Variants in IGF2 observed in about 807,000 individuals in gnomAD.
IGF2 encodes the protein insulin like growth factor 2.
In IGF2, 2 loss-of-function variants were observed where a neutral mutation model predicts 12.0. The ratio of observed to expected loss-of-function variants is 0.17; its 90% CI spans 0.07 to 0.52. IGF2 has a LOEUF of 0.52. Ranked by LOEUF, IGF2 falls within the 20% of genes least tolerant of loss-of-function variation. The probability of loss-of-function intolerance (pLI) is 0.95; values close to 1 mark genes in which losing one functional copy is unlikely to be tolerated. For synonymous variants in IGF2, 105 were observed against 110.1 expected, an observed-to-expected ratio of 0.95 and a Z score of 0.29; for missense variants, 211 against 268.0, an observed-to-expected ratio of 0.79 and a Z score of 1.48.
Position 2,132,833 on chromosome 11 carries a change from T to C in IGF2, c.*154A>G. 1 of 602,392 alleles carries C rather than the reference T, an allele frequency of 1.7e-6. No homozygotes were observed. Among genetic ancestry groups the C allele is most frequent in the Non-Finnish European group, 2.9e-6 (1 of 342,156 alleles). The allele number at this position is 602,392 out of a possible 1,614,324, so 37.3% of individuals were successfully genotyped here. On this transcript the variant is annotated 3_prime_UTR_variant, in exon 4 of 4. Transcript: ENST00000416167. ...GGAGGGGGCCGAGGAGAGTAGCCTG[T>C]TTCGGGGAGGCGGGGCACGGGGACT... is the stretch of plus-strand genomic sequence containing the variant.
upstream of IGF2, chr11:2,140,365 T>G: frequency 1.4e-6 from 2 of 1,417,794 alleles, no homozygotes; most frequent in African/African-American, 2.9e-5. Context: ...ACGCACAAAA[T>G]CCCGCACCCC....
At chr11:2,144,922 G>A (rs910743054), upstream of IGF2, among the ~76,000 whole-genome samples, 3 of 152,188 alleles carry the variant, frequency 2.0e-5, no homozygotes, top group African/African-American at 4.8e-5. Flanking sequence ...TGACACTGGG[G>A]AGGCAGAAGT....
Position 2,131,439 on chromosome 11 carries a change from CAT to C in IGF2, c.*1546_*1547del, listed in dbSNP as rs1858539625. The C allele has an allele frequency of 4.4e-6, 1 of 226,748 alleles. No individual in the cohort carries two copies. Among genetic ancestry groups the C allele is most frequent in the South Asian group, 1.9e-4 (1 of 5,402 alleles). The allele number at this position is 226,748 out of a possible 1,614,324, so 14.0% of individuals were successfully genotyped here. Reference sequence around the variant, plus strand: ...TTGTGGGGGTGTGCGTGTGTGTGCGCATGTGTGTGTGCAGGTGGGTGCTTGCG... The same window carrying C: ...TTGTGGGGGTGTGCGTGTGTGTGCGCGTGTGTGTGCAGGTGGGTGCTTGCG... On this transcript the variant is annotated 3_prime_UTR_variant, in exon 4 of 4. Transcript: ENST00000416167.
the IGF2 span, chr11:2,146,425 A>G: frequency 1.9e-6 from 1 of 533,404 alleles, no homozygotes; most frequent in South Asian, 1.4e-5. Flanking sequence ...CGCTGGCGTC[A>G]GCCCGGCCGG....
chr11:2,136,322 G>A (rs1023425618), intron 1 of IGF2, among the ~76,000 whole-genome samples: 2 of 152,218 alleles, frequency 1.3e-5, no homozygotes, highest in Admixed American at 1.3e-4. Flanking sequence ...GTAAGGCCAG[G>A]GGCCTCCAGA....
upstream of IGF2, chr11:2,146,171 G>C (rs543070492): frequency 4.0e-6 from 2 of 505,170 alleles, no homozygotes; most frequent in Admixed American, 4.0e-5. Flanking sequence ...CCCCAGCCTC[G>C]GCCTGTGGCT....
At chr11:2,140,739 C>T (rs1215608967), upstream of IGF2, 2 of 353,504 alleles carry the variant, frequency 5.7e-6, no homozygotes, top group Non-Finnish European at 5.3e-6. Context: ...CGCCCCACGC[C>T]GGCCTCCCCG....
Position 2,133,323 on chromosome 11 carries a change from G to T in IGF2, c.307-100C>A. ...CAGGCCACCCCTGTGACTGATCAGT[G>T]ACTTGAGCTAATGTCCACGGGCAGA... On this transcript the variant is annotated intron_variant, in intron 3 of 3. Coordinates refer to ENST00000416167, the MANE Select transcript of IGF2 (RefSeq NM_000612.6). The surrounding 1 kb of genome is among the most constrained non-coding windows in gnomAD (Gnocchi z 8.9). The T allele has an allele frequency of 9.7e-7, 1 of 1,035,416 alleles. No individual in the cohort carries two copies. Among genetic ancestry groups the T allele is most frequent in the South Asian group, 1.7e-5 (1 of 60,366 alleles). 64.1% of individuals were successfully genotyped at this position (1,035,416 alleles called of 1,614,324 possible). A position where few individuals can be genotyped will look rare whatever the true frequency, so the allele number is the denominator to read the frequency against.
chr11:2,149,083 G>A, the IGF2 span: 2 of 1,577,808 alleles, frequency 1.3e-6, no homozygotes, highest in East Asian at 2.2e-5. Context: ...AACACTTAAA[G>A]TGCAGCTTTT....
At chr11:2,140,613 A>G, upstream of IGF2, 1 of 521,190 alleles carries the variant, frequency 1.9e-6, no homozygotes, top group Admixed American at 2.4e-5. Flanking sequence ...GGGACCCTCC[A>G]GCCGCTTTCC....
chr11:2,132,834 T>TC lies in IGF2; in HGVS notation c.*152_*153insG. On this transcript the variant is annotated 3_prime_UTR_variant, in exon 4 of 4. Transcript: ENST00000416167. ...GAGGGGGCCGAGGAGAGTAGCCTGT[T>TC]TCGGGGAGGCGGGGCACGGGGACTG... 1 of 604,018 alleles carries TC rather than the reference T, an allele frequency of 1.7e-6. No individual in the cohort carries two copies. Among genetic ancestry groups the TC allele is most frequent in the Non-Finnish European group, 2.9e-6 (1 of 343,150 alleles). The allele number at this position is 604,018 out of a possible 1,614,324, so 37.4% of individuals were successfully genotyped here. A position where few individuals can be genotyped will look rare whatever the true frequency, so the allele number is the denominator to read the frequency against.
Position 2,138,868 on chromosome 11 carries a change from C to CT in IGF2, c.-647dup. 1.0e-6 allele frequency: 1 copy of CT among 972,796 alleles called. No homozygotes were observed. Among genetic ancestry groups the CT allele is most frequent in the African/African-American group, 1.9e-5 (1 of 53,880 alleles). The allele number at this position is 972,796 out of a possible 1,614,324, so 60.3% of individuals were successfully genotyped here. On this transcript the variant is annotated 5_prime_UTR_variant, in exon 1 of 4. Transcript: ENST00000416167. ...GTCGAGGGGCCGGGGGAGGCGGTGA[C>CT]TGGGGGGCGGAGTGGAGGCTGCACC... is the stretch of plus-strand genomic sequence containing the variant.
Position 2,138,214 on chromosome 11 carries a change from G to T in IGF2, c.-7+15C>A. 2 of 984,512 alleles carry T rather than the reference G, an allele frequency of 2.0e-6. No individual in the cohort carries two copies. Among genetic ancestry groups the T allele is most frequent in the South Asian group, 4.7e-5 (1 of 21,436 alleles). The allele number at this position is 984,512 out of a possible 1,614,324, so 61.0% of individuals were successfully genotyped here. On this transcript the variant is annotated intron_variant, in intron 1 of 3. Transcript: ENST00000416167. Reference sequence around the variant, plus strand: ...CCCAGCCCCGGCCCCGGCCCGGCCCGCACACGCCGCTTACCTGGAAGCCGG... The same window carrying T: ...CCCAGCCCCGGCCCCGGCCCGGCCCTCACACGCCGCTTACCTGGAAGCCGG...
chr11:2,144,531 G>A (rs1859796873), upstream of IGF2, among the ~76,000 whole-genome samples: 1 of 152,256 alleles, frequency 6.6e-6, no homozygotes. Context: ...CACGGGGCCC[G>A]GGAGGAGGGG....
chr11:2,140,964 G>T, upstream of IGF2: 1 of 305,176 alleles, frequency 3.3e-6, no homozygotes, highest in South Asian at 2.4e-5. Context: ...GAGACCCCGG[G>T]GCCAGTCCTC....
At chr11:2,136,704 C>T (rs930566154) in intron 1 of IGF2, among the ~76,000 whole-genome samples, 17 of 152,262 alleles carry the variant, frequency 1.1e-4, no homozygotes, top group African/African-American at 3.9e-4. Flanking sequence ...TGGGCAGCTG[C>T]GCCGAGGATC....
chr11:2,147,890 C>T, the IGF2 span: 4 of 1,042,332 alleles, frequency 3.8e-6, no homozygotes, highest in Non-Finnish European at 4.9e-6. The surrounding 1 kb of genome is among the most constrained non-coding windows in gnomAD (Gnocchi z 7.2). Flanking sequence ...AGCCTGAGCC[C>T]TGTCCCATCC....
chr11:2,132,117 T>C lies in IGF2; in HGVS notation c.*870A>G. ...TGTTGTGTGTGTGTAGCTGCGGGGATGCATAAAGTATGAGTGCTTTTTAGG... is the reference window on the plus strand; with the variant it reads ...TGTTGTGTGTGTGTAGCTGCGGGGACGCATAAAGTATGAGTGCTTTTTAGG... On this transcript the variant is annotated 3_prime_UTR_variant, in exon 4 of 4. Coordinates refer to ENST00000416167, the MANE Select transcript of IGF2 (RefSeq NM_000612.6). The C allele has an allele frequency of 4.8e-6, 1 of 210,512 alleles. No homozygotes were observed. Among genetic ancestry groups the C allele is most frequent in the Non-Finnish European group, 9.6e-6 (1 of 103,946 alleles). 13.0% of individuals were successfully genotyped at this position (210,512 alleles called of 1,614,324 possible).
chr11:2,135,466 A>G lies in IGF2; in HGVS notation c.58T>C (p.Ser20Pro). 1 of 1,613,808 alleles carries G rather than the reference A, an allele frequency of 6.2e-7. No homozygotes were observed. Among genetic ancestry groups the G allele is most frequent in the Non-Finnish European group, 8.5e-7 (1 of 1,179,970 alleles). ...GGGCGGTAAGCAGCAATGCAGCACG[A>G]GGCGAAGGCCAAGAAGGTGAGAAGC... The part of the protein sequence containing the change: ...LVLLTFLAFA[S>P]CCIAAYRPSE... Residue 20 changes from serine to proline, a missense_variant, in exon 2 of 4, where the codon TCG (serine) becomes CCG (proline). Coordinates refer to ENST00000416167, the MANE Select transcript of IGF2 (RefSeq NM_000612.6).
Sources: gnomAD v4.1 joint callset for allele counts (sites outside exome capture counted in the v4.1 genomes callset) on GRCh38, gnomAD v4.1.1 for gene constraint, Gnocchi (gnomAD v3.1) non-coding constraint, MANE v1.5 for transcripts, NCBI Gene and HGNC (gene_info 2026-07-23, HGNC 2026-07-21) for gene names.